CNTN4: variants seen among roughly 807,000 people sequenced by gnomAD.
CNTN4 encodes contactin 4.
Under a neutral mutation model 122.5 loss-of-function variants are expected in CNTN4, and 77 were observed. The ratio of observed to expected loss-of-function variants is 0.63; its 90% CI spans 0.52 to 0.76. CNTN4 has a LOEUF of 0.76. Among genes scored for constraint, CNTN4 ranks in the 30% least tolerant of loss-of-function variants. The pLI is 0.00. For missense variants in CNTN4, 1,256 were observed against 1,259.1 expected (o/e 1.00, Z 0.04); for synonymous variants, 512 against 447.0 (o/e 1.15, Z -1.83).
intron 5 of CNTN4, among the ~76,000 whole-genome samples, chr3:2,740,195 A>C (rs1317235243): frequency 6.6e-6 from 1 of 152,130 alleles, no homozygotes; most frequent in Non-Finnish European, 1.5e-5. Context: ...CCATCTCTAC[A>C]AAAATAATTT....
At chr3:2,798,961 G>A (rs1408765092) in intron 6 of CNTN4, among the ~76,000 whole-genome samples, 1 of 152,086 alleles carries the variant, frequency 6.6e-6, no homozygotes, top group African/African-American at 2.4e-5. Context: ...CCTACCGATG[G>A]TATATAGATG....
chr3:2,782,030 T>G (rs2091613876), intron 6 of CNTN4, among the ~76,000 whole-genome samples: 1 of 151,878 alleles, frequency 6.6e-6, no homozygotes, highest in Non-Finnish European at 1.5e-5. Context: ...TTAAACAATA[T>G]AAAGGAATGT....
chr3:2,638,377 T>G (rs2082757989), intron 4 of CNTN4, among the ~76,000 whole-genome samples: 1 of 152,208 alleles, frequency 6.6e-6, no homozygotes, highest in Non-Finnish European at 1.5e-5. Flanking sequence ...TTCAGGAAGA[T>G]GTGAATATGC....
At chr3:2,224,602 G>C (rs890850905) in intron 2 of CNTN4, among the ~76,000 whole-genome samples, 1 of 152,176 alleles carries the variant, frequency 6.6e-6, no homozygotes, top group Non-Finnish European at 1.5e-5. Flanking sequence ...GTGAATCTCT[G>C]AGTAGAGGTC....
At chr3:2,171,299 A>C (rs1465551582) in intron 2 of CNTN4, among the ~76,000 whole-genome samples, 1 of 152,204 alleles carries the variant, frequency 6.6e-6, no homozygotes, top group Non-Finnish European at 1.5e-5. Context: ...GACCTGGAAA[A>C]ATGCCATTAC....
At chr3:2,770,928 A>AT (rs2091069145) in intron 6 of CNTN4, among the ~76,000 whole-genome samples, 1 of 152,146 alleles carries the variant, frequency 6.6e-6, no homozygotes, top group Non-Finnish European at 1.5e-5. Context: ...TGTTTTCCTC[A>AT]TTTTTTGGTT....
chr3:2,783,016 C>T (rs771110182), intron 6 of CNTN4, among the ~76,000 whole-genome samples: 15 of 152,144 alleles, frequency 9.9e-5, no homozygotes, highest in South Asian at 2.1e-4. Flanking sequence ...CGGTGGCTTA[C>T]GCCTGTAATC....
At position 2,916,635 on chromosome 3, in the gene CNTN4, T is replaced by A. The variant is rs1290032057; in HGVS notation, c.1208-8994T>A. Among the ~76,000 whole-genome samples, 5 of 122,820 alleles carry A rather than the reference T, an allele frequency of 4.1e-5. 2 individuals carry two copies. Among genetic ancestry groups the A allele is most frequent in the Non-Finnish European group, 8.7e-5 (5 of 57,766 alleles). The allele number at this position is 122,820 out of a possible 152,430, so 80.6% of individuals were successfully genotyped here. On this transcript the variant is annotated intron_variant, in intron 12 of 24. Coordinates refer to ENST00000418658, the MANE Select transcript of CNTN4 (RefSeq NM_175607.3). ...AGACACAGCAACAATCTGATTTCTCTTTCCTTTCCCCACACTTCCCCCCCT... is the reference window on the plus strand; with the variant it reads ...AGACACAGCAACAATCTGATTTCTCATTCCTTTCCCCACACTTCCCCCCCT...
chr3:2,981,826 C>G (rs1694050101), intron 13 of CNTN4, among the ~76,000 whole-genome samples: 1 of 152,126 alleles, frequency 6.6e-6, no homozygotes, highest in Non-Finnish European at 1.5e-5. Flanking sequence ...CCTCGGATCA[C>G]TTGAGGTCAG....
chr3:3,024,667 T>G (rs1221342797), intron 14 of CNTN4, among the ~76,000 whole-genome samples: 1 of 152,190 alleles, frequency 6.6e-6, no homozygotes, highest in Non-Finnish European at 1.5e-5. Context: ...GATTATAACC[T>G]ATTTAGAACA....
intron 3 of CNTN4, among the ~76,000 whole-genome samples, chr3:2,461,118 A>G: frequency 6.6e-6 from 1 of 152,128 alleles, no homozygotes; most frequent in East Asian, 1.9e-4. Context: ...TGAGGCCCAT[A>G]TTTATTATAC....
intron 3 of CNTN4, among the ~76,000 whole-genome samples, chr3:2,557,138 G>C (rs1023401421): frequency 1.7e-4 from 26 of 152,008 alleles, no homozygotes; most frequent in African/African-American, 5.6e-4. Context: ...TTTTTTTGCA[G>C]ATGATTCAAC....
At position 2,745,624 on chromosome 3, in the gene CNTN4, T is replaced by C. The variant is rs370425057; in HGVS notation, c.285T>C (p.Ala95=). Residue 95 remains alanine (A), a synonymous_variant, in exon 6 of 25, where the codon GCT becomes GCC. Transcript: ENST00000418658. ...ATAACCCCAATAAAACCCAAGATGC[T>C]GGAACGTACCAGTGCACAGCGACAA... ...LINNPNKTQD[A]GTYQCTATNS... 7 of 1,614,052 alleles carry C rather than the reference T, an allele frequency of 4.3e-6. No individual in the cohort carries two copies. In the African/African-American group the frequency reaches 9.3e-5, roughly 22 times the overall value.
intron 6 of CNTN4, among the ~76,000 whole-genome samples, chr3:2,809,497 C>T (rs191686334): frequency 3.9e-5 from 6 of 152,248 alleles, no homozygotes; most frequent in Non-Finnish European, 8.8e-5. Flanking sequence ...TCCTGAAGGG[C>T]CTTTGCAGAG....
intron 6 of CNTN4, among the ~76,000 whole-genome samples, chr3:2,749,026 G>T (rs907448061): frequency 1.3e-5 from 2 of 152,240 alleles, no homozygotes; most frequent in Non-Finnish European, 1.5e-5. Context: ...ATTTAGGTAT[G>T]ACCTCCTGAG....
intron 6 of CNTN4, among the ~76,000 whole-genome samples, chr3:2,816,663 A>C (rs2150206710): frequency 6.6e-6 from 1 of 151,564 alleles, no homozygotes; most frequent in South Asian, 2.1e-4. Context: ...TCTACTAAAA[A>C]TACAAAAATT....
At chr3:2,634,716 C>T (rs1171718513) in intron 4 of CNTN4, among the ~76,000 whole-genome samples, 3 of 149,986 alleles carry the variant, frequency 2.0e-5, no homozygotes, top group South Asian at 4.2e-4. Flanking sequence ...GTTAGCTGGG[C>T]GTGGTGGCAT....
rs549627699 is a variant in CNTN4, at chr3:2,655,848, C to A, written c.56-80367C>A. On this transcript the variant is annotated intron_variant, in intron 4 of 24. Coordinates refer to ENST00000418658, the MANE Select transcript of CNTN4 (RefSeq NM_175607.3). Reference sequence around the variant, plus strand: ...TACCAAGACTGTTTTGACTTTCTTTCAGGATAATCCCACTGGGTTTTTAAC... The same window carrying A: ...TACCAAGACTGTTTTGACTTTCTTTAAGGATAATCCCACTGGGTTTTTAAC... 5.3e-5 allele frequency among the ~76,000 whole-genome samples: 8 copies of A among 152,266 alleles called. No homozygotes were observed. The East Asian group carries it at 1.2e-3, about 22-fold the overall frequency.
At chr3:2,412,316 A>C (rs753656823) in intron 3 of CNTN4, among the ~76,000 whole-genome samples, 44 of 151,600 alleles carry the variant, frequency 2.9e-4, no homozygotes, top group Middle Eastern at 3.2e-3. Context: ...CAGTGGCGCT[A>C]TCTCGGCTCA....
Sources: allele counts gnomAD v4.1 joint callset (sites outside exome capture counted in the v4.1 genomes callset), GRCh38; gene constraint gnomAD v4.1.1; transcripts MANE v1.5; gene names NCBI Gene and HGNC (gene_info 2026-07-23, HGNC 2026-07-21).